The following COQ8A variants were observed in gnomAD, a reference collection of about 807,000 sequenced individuals.
The protein encoded by COQ8A is atypical kinase COQ8A, mitochondrial.
In COQ8A, 51 loss-of-function variants were observed where a neutral mutation model predicts 65.0. The ratio of observed to expected loss-of-function variants is 0.78; its 90% confidence interval spans 0.63 to 0.99. The LOEUF (loss-of-function observed/expected upper bound fraction) is 0.99, where lower values mean the gene tolerates loss of function less well. Ranked by LOEUF, COQ8A falls within the 50% of genes least tolerant of loss-of-function variation. The pLI is 0.00. For synonymous variants in COQ8A, 371 were observed against 353.2 expected (o/e 1.05, Z -0.57); for missense variants, 940 against 875.0 (o/e 1.07, Z -0.94).
chr1:226,971,921 A>G (rs1277488908), intron 4 of COQ8A, among the ~76,000 whole-genome samples: 2 of 152,202 alleles, frequency 1.3e-5, no homozygotes, highest in African/African-American at 4.8e-5. Context: ...ATTTCTTCAA[A>G]TACTGTATCT....
At chr1:226,948,227 C>G (rs1657165466) in intron 1 of COQ8A, among the ~76,000 whole-genome samples, 1 of 152,206 alleles carries the variant, frequency 6.6e-6, no homozygotes, top group Non-Finnish European at 1.5e-5. Context: ...GACCCCTTGC[C>G]TTTTCCAGCC....
chr1:226,965,678 A>T lies in COQ8A; in HGVS notation c.596A>T (p.Glu199Val), dbSNP rs1439485777. The T allele has an allele frequency of 6.2e-7, 1 of 1,614,028 alleles. No individual in the cohort carries two copies. Among genetic ancestry groups the T allele is most frequent in the Admixed American group, 1.7e-5 (1 of 60,030 alleles). Residue 199 changes from glutamate (E) to valine (V), a missense_variant, in exon 4 of 15, where the codon GAG (glutamate) becomes GTG (valine). Transcript: ENST00000366777. ...ENKQHKQTLS[E>V]HARERKVPVT... ...TTTCTCGTCTCCCTCCAGCTCAGCG[A>T]GCATGCCCGGGAGCGGAAGGTGCCT...
At chr1:226,982,262 G>C (rs865929632) in intron 6 of COQ8A, 113 bp downstream of exon 6, 1 of 1,438,664 alleles carries the variant, frequency 7.0e-7, no homozygotes, top group Middle Eastern at 2.4e-4. Flanking sequence ...ATGTGAGCAG[G>C]CTGGGGAGAG....
rs369895923 is a variant in COQ8A at position 226,946,674 on chromosome 1, A to G, written c.-10+6275A>G. On this transcript the variant is annotated intron_variant, in intron 1 of 14. Coordinates refer to ENST00000366777, the MANE Select transcript of COQ8A (RefSeq NM_020247.5). The surrounding 1 kb of genome is among the most constrained non-coding windows in gnomAD (Gnocchi z 5.3). ...GGTTAACTGGGTGATTTTAAAAGCT[A>G]TCGAGGTTTTACATACACATGTAGT... Among the ~76,000 whole-genome samples the G allele has an allele frequency of 2.8e-4, 42 of 152,304 alleles. No individual in the cohort carries two copies. The highest frequency in any genetic ancestry group is 8.9e-4 in the African/African-American group (37 of 41,564).
At position 226,944,736 on chromosome 1, in the gene COQ8A, AGAGAGAGAGAGAGTGAGAGAGAGAGAGT is replaced by A. The variant is rs1444564674; in HGVS notation, c.-10+4367_-10+4394del. ...GAGAGAGAGAGAGAGAGAGAGAGAG[AGAGAGAGAGAGAGTGAGAGAGAGAGAGT>A]GAGAGAGAGAGAGTGAGAGAGAGAG... On this transcript the variant is annotated intron_variant, in intron 1 of 14. Coordinates refer to ENST00000366777, the MANE Select transcript of COQ8A (RefSeq NM_020247.5). Among the ~76,000 whole-genome samples, 117 of 35,960 alleles carry A rather than the reference AGAGAGAGAGAGAGTGAGAGAGAGAGAGT, an allele frequency of 3.3e-3. 2 individuals carry two copies. In the East Asian group the frequency reaches 0.04, roughly 12 times the overall value. 23.6% of individuals were successfully genotyped at this position (35,960 alleles called of 152,430 possible).
chr1:226,985,231 T>TC (rs1660016700), intron 13 of COQ8A, 23 bp from the exon 14 acceptor site: 1 of 1,611,340 alleles, frequency 6.2e-7, no homozygotes, highest in Non-Finnish European at 8.5e-7. Flanking sequence ...CTGCCCACGG[T>TC]CCCCTCCTGT....
intron 1 of COQ8A, among the ~76,000 whole-genome samples, chr1:226,956,521 C>G (rs1225979778): frequency 5.9e-4 from 57 of 96,838 alleles, no homozygotes; most frequent in Admixed American, 1.2e-3. Flanking sequence ...CTCCCTGGCT[C>G]CCACTCCCTG....
chr1:226,964,345 TC>T (rs1658430354), intron 2 of COQ8A, among the ~76,000 whole-genome samples: 1 of 152,124 alleles, frequency 6.6e-6, no homozygotes, highest in African/African-American at 2.4e-5. Context: ...CACTCCTGGT[TC>T]AGAAGCAGAA....
At chr1:226,976,733 A>G (rs1659261281) in intron 4 of COQ8A, among the ~76,000 whole-genome samples, 2 of 152,046 alleles carry the variant, frequency 1.3e-5, no homozygotes, top group Non-Finnish European at 2.9e-5. Context: ...TTTTTGGATA[A>G]ATGAGGTGTT....
At chr1:226,971,277 G>A (rs1658895615) in intron 4 of COQ8A, among the ~76,000 whole-genome samples, 1 of 151,810 alleles carries the variant, frequency 6.6e-6, no homozygotes, top group South Asian at 2.1e-4. Flanking sequence ...TTATAGCTGG[G>A]CACGGTGGCT....
At chr1:226,984,766 G>A in intron 12 of COQ8A, 110 bp from the exon 13 acceptor site, 1 of 1,487,420 alleles carries the variant, frequency 6.7e-7, no homozygotes, top group Non-Finnish European at 9.4e-7. Context: ...AGAGCTCAGG[G>A]CTCTGGGAGT....
chr1:226,969,526 G>A (rs1161767201), intron 4 of COQ8A, among the ~76,000 whole-genome samples: 3 of 152,158 alleles, frequency 2.0e-5, no homozygotes, highest in Non-Finnish European at 4.4e-5. Context: ...GTGAGCCACC[G>A]CGCCCGGCCA....
At chr1:226,965,560 C>T (rs185346992) in intron 3 of COQ8A, 111 bp from the exon 4 acceptor site, 18 of 1,499,354 alleles carry the variant, frequency 1.2e-5, no homozygotes, top group East Asian at 6.9e-5. Flanking sequence ...TGCTGTCAGG[C>T]GGAGCTGCTG....
At chr1:226,969,870 TTTTG>T (rs1316227991) in intron 4 of COQ8A, among the ~76,000 whole-genome samples, 6 of 152,224 alleles carry the variant, frequency 3.9e-5, no homozygotes, top group African/African-American at 1.2e-4. Flanking sequence ...CTACCTTAGT[TTTTG>T]TTTGTTTACT....
chr1:226,969,832 A>G (rs1658781227), intron 4 of COQ8A, among the ~76,000 whole-genome samples: 1 of 152,178 alleles, frequency 6.6e-6, no homozygotes, highest in Admixed American at 6.5e-5. Flanking sequence ...TTTAAATGCA[A>G]TTGTGGATGT....
At chr1:226,941,902 A>C (rs371169594) in intron 1 of COQ8A, among the ~76,000 whole-genome samples, 1 of 152,168 alleles carries the variant, frequency 6.6e-6, no homozygotes, top group African/African-American at 2.4e-5. Flanking sequence ...AAAGTGAACC[A>C]GGCAGAATGG....
At chr1:226,963,970 C>T (rs1658405988) in intron 2 of COQ8A, among the ~76,000 whole-genome samples, 1 of 152,334 alleles carries the variant, frequency 6.6e-6, no homozygotes, top group African/African-American at 2.4e-5. Context: ...GGTGTTGGAT[C>T]CCGGCTCTGT....
chr1:226,960,434 TTGG>T (rs1658149257), intron 1 of COQ8A, among the ~76,000 whole-genome samples: 1 of 52,320 alleles, frequency 1.9e-5, no homozygotes, highest in Non-Finnish European at 3.9e-5. Context: ...GTGGTGGTAC[TTGG>T]TGGTACTTGG....
At chr1:226,985,979 C>A (rs1189004772) in intron 14 of COQ8A, among the ~76,000 whole-genome samples, 2 of 152,228 alleles carry the variant, frequency 1.3e-5, no homozygotes, top group Non-Finnish European at 2.9e-5. Context: ...GTCCCTCTGA[C>A]CACCTTGGGC....
Sources: gnomAD v4.1 joint callset for allele counts (sites outside exome capture counted in the v4.1 genomes callset) on GRCh38, gnomAD v4.1.1 for gene constraint, Gnocchi (gnomAD v3.1) non-coding constraint, MANE v1.5 for transcripts, NCBI Gene and HGNC (gene_info 2026-07-23, HGNC 2026-07-21) for gene names.